The following KLRK1 variants were observed in gnomAD, a reference collection of about 807,000 sequenced individuals.
KLRK1 encodes killer cell lectin like receptor K1.
Under a neutral mutation model 31.3 loss-of-function variants are expected in KLRK1, and 40 were observed. The ratio of observed to expected loss-of-function variants is 1.28; its 90% CI spans 0.99 to 1.67. KLRK1 has a LOEUF of 1.67. Among genes scored for constraint, KLRK1 ranks in the 40% most tolerant of loss-of-function variants. The pLI, the probability that KLRK1 is intolerant of heterozygous loss-of-function variation, is 0.00. For missense variants in KLRK1, 251 were observed against 260.0 expected (o/e 0.97, Z 0.24); for synonymous variants, 77 against 77.3 (o/e 1.00, Z 0.02).
chr12:10,390,007 G>C lies in KLRK1; in HGVS notation c.-130C>G, dbSNP rs1863245550. 6.6e-6 allele frequency: 1 copy of C among 152,020 alleles called. No individual in the cohort carries two copies. Among genetic ancestry groups the C allele is most frequent in the Admixed American group, 6.5e-5 (1 of 15,268 alleles). 9.4% of individuals were successfully genotyped at this position (152,020 alleles called of 1,614,324 possible). ...GCCTTCTATAAAACTAGAAAATTTAGATATGTCCTCAGTTCCTGATCTAGA... is the reference window on the plus strand; with the variant it reads ...GCCTTCTATAAAACTAGAAAATTTACATATGTCCTCAGTTCCTGATCTAGA... On this transcript the variant is annotated 5_prime_UTR_variant, in exon 1 of 8. In the 5' UTR this introduces an upstream ATG that the reference lacks. Coordinates refer to ENST00000240618, the MANE Select transcript of KLRK1 (RefSeq NM_007360.4).
intron 3 of KLRK1, among the ~76,000 whole-genome samples, chr12:10,380,425 A>G (rs1359687516): frequency 6.6e-6 from 1 of 152,246 alleles, no homozygotes; most frequent in African/African-American, 2.4e-5. Context: ...AGCATCATCA[A>G]GATGGCTAAC....
At chr12:10,378,056 T>C in intron 7 of KLRK1, 76 bp downstream of exon 7, 1 of 1,391,238 alleles carries the variant, frequency 7.2e-7, no homozygotes, top group Non-Finnish European at 1.0e-6. Flanking sequence ...TTATGTGAGA[T>C]GAGTGATTAG....
rs537941202 is a variant in KLRK1, at chr12:10,373,749, A to G, written c.534-518T>C. ...TTAGGCATTCCATGTGGAGATTTCTATATCTATATATGTGTTTTACTCTGG... is the reference window on the plus strand; with the variant it reads ...TTAGGCATTCCATGTGGAGATTTCTGTATCTATATATGTGTTTTACTCTGG... On this transcript the variant is annotated intron_variant, in intron 7 of 7. Coordinates refer to ENST00000240618, the MANE Select transcript of KLRK1 (RefSeq NM_007360.4). 3.6e-3 allele frequency among the ~76,000 whole-genome samples: 554 copies of G among 151,914 alleles called. 2 individuals carry two copies. Among genetic ancestry groups the G allele is most frequent in the African/African-American group, 0.013 (537 of 41,472 alleles).
chr12:10,374,273 A>C (rs907012793), intron 7 of KLRK1: 1 of 152,470 alleles, frequency 6.6e-6, no homozygotes, highest in Non-Finnish European at 1.5e-5. Context: ...TCGGCCTCCC[A>C]AAGTGCTGGG....
At position 10,379,456 on chromosome 12, in the gene KLRK1, GA is replaced by G; in HGVS notation, c.267del (p.Leu91Ter). On this transcript the variant is annotated frameshift_variant, in exon 5 of 8. Transcript: ENST00000240618. LOFTEE classifies it high-confidence loss of function. The part of the protein sequence containing the change: ...LNSLFNQEVQ[I>X]PLTESYCGPC... ...TTAAAAATTCACTTACCGGTCAAGG[GA>G]ATTTGAACTTCTTGGTTGAATAATG... The G allele has an allele frequency of 6.8e-7, 1 of 1,467,516 alleles. No homozygotes were observed. Among genetic ancestry groups the G allele is most frequent in the Non-Finnish European group, 9.4e-7 (1 of 1,068,744 alleles). 90.9% of individuals were successfully genotyped at this position (1,467,516 alleles called of 1,614,324 possible).
intron 1 of KLRK1, among the ~76,000 whole-genome samples, chr12:10,389,291 A>T (rs1316064722): frequency 6.6e-6 from 1 of 152,160 alleles, no homozygotes; most frequent in Non-Finnish European, 1.5e-5. Context: ...AAACTCAGGT[A>T]AGTTATATGC....
At chr12:10,383,196 G>C (rs1318402125) in intron 3 of KLRK1, among the ~76,000 whole-genome samples, 4 of 151,920 alleles carry the variant, frequency 2.6e-5, no homozygotes, top group Non-Finnish European at 5.9e-5. Flanking sequence ...CCAAGTAAAA[G>C]ACATAGAGTG....
intron 3 of KLRK1, among the ~76,000 whole-genome samples, chr12:10,382,857 A>G (rs7969985): frequency 0.06 from 9,191 of 152,262 alleles, 602 homozygotes; most frequent in South Asian, 0.27. Flanking sequence ...AGATGGAGTT[A>G]AAGTGTAGAG....
At position 10,372,382 on chromosome 12, in the gene KLRK1, G is replaced by A. The variant is rs1716028971; in HGVS notation, c.*732C>T. On this transcript the variant is annotated 3_prime_UTR_variant, in exon 8 of 8. Transcript: ENST00000240618. Reference sequence around the variant, plus strand: ...TGAGACTCAAGATTCTATTTATTCAGAGGCAAAATTCCTTCTTAACTGTGA... The same window carrying A: ...TGAGACTCAAGATTCTATTTATTCAAAGGCAAAATTCCTTCTTAACTGTGA... The A allele has an allele frequency of 3.3e-5, 5 of 152,306 alleles. No individual in the cohort carries two copies. Among genetic ancestry groups the A allele is most frequent in the Admixed American group, 3.3e-4 (5 of 15,294 alleles). 9.4% of individuals were successfully genotyped at this position (152,306 alleles called of 1,614,324 possible).
At chr12:10,373,277 C>T (rs202071968) in intron 7 of KLRK1, 46 bp from the exon 8 acceptor site, 38 of 1,484,032 alleles carry the variant, frequency 2.6e-5, no homozygotes, top group Middle Eastern at 1.8e-4. Context: ...TTTATTAACG[C>T]GGGAAAATAA....
At chr12:10,382,319 AC>A (rs1313757730) in intron 3 of KLRK1, 2 of 152,264 alleles carry the variant, frequency 1.3e-5, no homozygotes, top group African/African-American at 4.8e-5. Flanking sequence ...AAAGCTCCAG[AC>A]AAAGTGAGAA....
At chr12:10,376,821 A>ATTTAT (rs1555118938) in intron 7 of KLRK1, among the ~76,000 whole-genome samples, 2 of 151,612 alleles carry the variant, frequency 1.3e-5, no homozygotes, top group Non-Finnish European at 2.9e-5. Flanking sequence ...TTATTTATTT[A>ATTTAT]TTTATTTATT....
chr12:10,380,329 T>C (rs1291566596), intron 3 of KLRK1, among the ~76,000 whole-genome samples: 3 of 152,138 alleles, frequency 2.0e-5, no homozygotes, highest in South Asian at 2.1e-4. Flanking sequence ...CCTCCCAAAG[T>C]GCTGGGATTA....
intron 1 of KLRK1, 175 bp from the exon 2 acceptor site, chr12:10,389,050 G>T (rs1017333277): frequency 1.1e-5 from 5 of 473,342 alleles, no homozygotes; most frequent in Non-Finnish European, 1.9e-5. Context: ...CATTTCTCTT[G>T]GTTGTAAAAT....
chr12:10,384,763 A>G (rs1863136615), intron 3 of KLRK1, among the ~76,000 whole-genome samples: 1 of 152,134 alleles, frequency 6.6e-6, no homozygotes, highest in African/African-American at 2.4e-5. Context: ...TATCAAACTA[A>G]CACACTTCTC....
Position 10,373,170 on chromosome 12 carries a change from A to G in KLRK1, c.595T>C (p.Tyr199His). The G allele has an allele frequency of 6.2e-7, 1 of 1,612,018 alleles. No individual in the cohort carries two copies. Among genetic ancestry groups the G allele is most frequent in the Non-Finnish European group, 8.5e-7 (1 of 1,179,284 alleles). Residue 199 changes from tyrosine to histidine, a missense_variant, in exon 8 of 8, where the codon TAT (tyrosine) becomes CAT (histidine). By Grantham distance (83) the Tyr-to-His change is moderately conservative. Coordinates refer to ENST00000240618, the MANE Select transcript of KLRK1 (RefSeq NM_007360.4). ...TTTGGAGTTGAACAGTTTTCTATAT[A>G]GCCTTTAAAGCTCGAGGCATAGAGT... ...CALYASSFKG[Y>H]IENCSTPNTY...
At position 10,378,609 on chromosome 12, in the gene KLRK1, G is replaced by T. The variant is rs1863009450; in HGVS notation, c.374C>A (p.Ala125Asp). The change falls in exon 6 of 8, where the codon GCT (alanine) becomes GAT (aspartate). Residue 125 changes from alanine (A) to aspartate (D), a missense_variant. By Grantham distance (126) the Ala-to-Asp change is moderately radical. Coordinates refer to ENST00000240618, the MANE Select transcript of KLRK1 (RefSeq NM_007360.4). ...GCTGGCATTTTGAGACATACAAGAA[G>T]CCTGGCTCTCATACCAGTTTTTACT... ...DESKNWYESQ[A>D]SCMSQNASLL... 6.2e-7 allele frequency: 1 copy of T among 1,612,540 alleles called. No homozygotes were observed. The highest frequency in any genetic ancestry group is 2.2e-5 in the East Asian group (1 of 44,858).
rs1253290569 is a variant in KLRK1 at position 10,372,782 on chromosome 12, C to G, written c.*332G>C. On this transcript the variant is annotated 3_prime_UTR_variant, in exon 8 of 8. Transcript: ENST00000240618. ...GCACTCTCAGTGATCTGCTGGCCTT[C>G]TCTTCCTTCACTGATCCCCTGGGTG... The G allele has an allele frequency of 1.5e-5, 4 of 275,830 alleles. No individual in the cohort carries two copies. In the East Asian group the frequency reaches 4.4e-4, roughly 30 times the overall value. 17.1% of individuals were successfully genotyped at this position (275,830 alleles called of 1,614,324 possible).
chr12:10,384,015 T>C (rs984975960), intron 3 of KLRK1, among the ~76,000 whole-genome samples: 11 of 151,930 alleles, frequency 7.2e-5, no homozygotes, highest in Admixed American at 6.5e-5. Flanking sequence ...TTGTAATACC[T>C]ACAAATAATA....
Sources: allele counts gnomAD v4.1 joint callset (sites outside exome capture counted in the v4.1 genomes callset), GRCh38; gene constraint gnomAD v4.1.1; transcripts MANE v1.5; gene names NCBI Gene and HGNC (gene_info 2026-07-23, HGNC 2026-07-21).